The following CTNNA2 variants were observed in gnomAD, a reference collection of about 807,000 sequenced individuals.
CTNNA2 encodes catenin alpha-2.
In CTNNA2, 42 loss-of-function variants were observed where a neutral mutation model predicts 101.0. That is an observed-to-expected ratio of 0.42 (90% CI 0.32 to 0.54). The LOEUF (loss-of-function observed/expected upper bound fraction) is 0.54, where lower values mean the gene tolerates loss of function less well. Among genes scored for constraint, CTNNA2 ranks in the 20% least tolerant of loss-of-function variants. The probability of loss-of-function intolerance (pLI) is 0.14; values close to 1 mark genes in which losing one functional copy is unlikely to be tolerated. For missense variants in CTNNA2, 871 were observed against 1,223.1 expected (o/e 0.71, Z 4.29); for synonymous variants, 450 against 456.4 (o/e 0.99, Z 0.18).
intron 7 of CTNNA2, among the ~76,000 whole-genome samples, chr2:80,099,511 G>A (rs184682143): frequency 3.0e-4 from 45 of 152,282 alleles, no homozygotes; most frequent in Middle Eastern, 3.4e-3. Flanking sequence ...TCCTGGAGAT[G>A]AATTTACTTG....
chr2:80,526,485 A>C (rs544497356), intron 9 of CTNNA2, among the ~76,000 whole-genome samples: 1 of 152,202 alleles, frequency 6.6e-6, no homozygotes, highest in African/African-American at 2.4e-5. Flanking sequence ...GATGTGCGTC[A>C]CCACGCCTGG....
intron 14 of CTNNA2, among the ~76,000 whole-genome samples, chr2:80,584,858 A>G (rs1282685669): frequency 4.6e-5 from 7 of 152,146 alleles, no homozygotes; most frequent in Non-Finnish European, 1.0e-4. Context: ...TAGAAGGCTG[A>G]CTAAATAATT....
At chr2:80,261,649 C>T (rs318369) in intron 7 of CTNNA2, among the ~76,000 whole-genome samples, 60,598 of 151,976 alleles carry the variant, frequency 0.4, 14,363 homozygotes, top group Non-Finnish European at 0.53. Context: ...CCAATTGAAT[C>T]TCAGCTAACT....
intron 7 of CTNNA2, among the ~76,000 whole-genome samples, chr2:80,240,238 A>G (rs1291566741): frequency 1.3e-5 from 2 of 152,198 alleles, no homozygotes. Flanking sequence ...TGACTCTAAG[A>G]CACACATGAA....
intron 3 of CTNNA2, among the ~76,000 whole-genome samples, chr2:79,787,243 A>G (rs1674913447): frequency 6.6e-6 from 1 of 152,136 alleles, no homozygotes; most frequent in African/African-American, 2.4e-5. Flanking sequence ...GTCTTTATAT[A>G]CTTATAACTT....
intron 7 of CTNNA2, among the ~76,000 whole-genome samples, chr2:80,332,740 G>A (rs1343713579): frequency 3.3e-5 from 5 of 152,138 alleles, no homozygotes; most frequent in Non-Finnish European, 1.5e-5. Flanking sequence ...AGAAAAGGAA[G>A]GCATTTAGCG....
intron 2 of CTNNA2, among the ~76,000 whole-genome samples, chr2:79,272,354 A>G (rs1442372939): frequency 6.6e-6 from 1 of 152,100 alleles, no homozygotes; most frequent in Non-Finnish European, 1.5e-5. Context: ...AGAGAGCAGA[A>G]CAAAACACTC....
intron 2 of CTNNA2, among the ~76,000 whole-genome samples, chr2:79,260,292 G>A (rs1181458451): frequency 6.6e-6 from 1 of 152,132 alleles, no homozygotes; most frequent in Non-Finnish European, 1.5e-5. Context: ...TGCACAGAAT[G>A]AAGCAAATCT....
intron 4 of CTNNA2, among the ~76,000 whole-genome samples, chr2:79,392,723 C>T (rs72919154): frequency 0.046 from 6,932 of 152,186 alleles, 534 homozygotes; most frequent in African/African-American, 0.16. Flanking sequence ...TGGAAATCTC[C>T]AATGATATCA....
chr2:80,384,711 G>A (rs1276831345), intron 7 of CTNNA2, among the ~76,000 whole-genome samples: 1 of 151,820 alleles, frequency 6.6e-6, no homozygotes, highest in African/African-American at 2.4e-5. Flanking sequence ...GGAGAAATAC[G>A]ATATTAAGAT....
intron 2 of CTNNA2, among the ~76,000 whole-genome samples, chr2:79,292,394 T>C (rs1675846199): frequency 6.6e-6 from 1 of 152,186 alleles, no homozygotes; most frequent in South Asian, 2.1e-4. Context: ...AGCTGATGCT[T>C]TCTTTAACTG....
chr2:80,322,023 A>C (rs1678744110), intron 7 of CTNNA2, among the ~76,000 whole-genome samples: 1 of 152,204 alleles, frequency 6.6e-6, no homozygotes, highest in Admixed American at 6.5e-5. Flanking sequence ...CAACAGAACA[A>C]AACATCATTT....
Position 79,596,299 on chromosome 2 carries a change from T to A in CTNNA2, c.-5-55253T>A, listed in dbSNP as rs951083766. On this transcript the variant is annotated intron_variant, in intron 1 of 18. Coordinates refer to ENST00000402739, the MANE Select transcript of CTNNA2 (RefSeq NM_001282597.3). Reference sequence around the variant, plus strand: ...AAGTTACAGGAGATAGTTTGTCTCATTGGAGCTCAGAGTCAAGGTAGGGAA... The same window carrying A: ...AAGTTACAGGAGATAGTTTGTCTCAATGGAGCTCAGAGTCAAGGTAGGGAA... Among the ~76,000 whole-genome samples the A allele has an allele frequency of 3.9e-5, 6 of 152,020 alleles. No homozygotes were observed. The East Asian group carries it at 7.8e-4, about 20-fold the overall frequency.
At chr2:79,973,477 G>A (rs1322336535) in intron 7 of CTNNA2, among the ~76,000 whole-genome samples, 1 of 152,152 alleles carries the variant, frequency 6.6e-6, no homozygotes, top group Non-Finnish European at 1.5e-5. Flanking sequence ...GAGGTAAGTT[G>A]CCTGAAGCCA....
chr2:79,390,206 C>A (rs923223690), intron 4 of CTNNA2, among the ~76,000 whole-genome samples: 3 of 152,144 alleles, frequency 2.0e-5, no homozygotes, highest in Admixed American at 2.0e-4. Context: ...CTTTGCATTT[C>A]TCTTCCCATG....
At chr2:79,434,894 GC>G (rs1678697378) in intron 4 of CTNNA2, among the ~76,000 whole-genome samples, 1 of 152,110 alleles carries the variant, frequency 6.6e-6, no homozygotes, top group Non-Finnish European at 1.5e-5. Context: ...TTCCAGTCCT[GC>G]CCCACATTTG....
chr2:80,138,814 T>C (rs1702838251), intron 7 of CTNNA2, among the ~76,000 whole-genome samples: 1 of 152,198 alleles, frequency 6.6e-6, no homozygotes, highest in Admixed American at 6.5e-5. Context: ...TGTTAGCTAA[T>C]ATTATCCTTA....
At chr2:79,803,007 A>G (rs914957959) in intron 3 of CTNNA2, among the ~76,000 whole-genome samples, 1 of 152,244 alleles carries the variant, frequency 6.6e-6, no homozygotes, top group African/African-American at 2.4e-5. Flanking sequence ...GTAATATTAC[A>G]TATAATGTAA....
chr2:80,059,443 T>C (rs1210557392), intron 7 of CTNNA2, among the ~76,000 whole-genome samples: 1 of 152,242 alleles, frequency 6.6e-6, no homozygotes, highest in Non-Finnish European at 1.5e-5. Context: ...AACAGCATCT[T>C]AGCCTCCTTG....
Sources: gnomAD v4.1 joint callset for allele counts (sites outside exome capture counted in the v4.1 genomes callset) on GRCh38, gnomAD v4.1.1 for gene constraint, MANE v1.5 for transcripts, NCBI Gene and HGNC (gene_info 2026-07-23, HGNC 2026-07-21) for gene names.